The following CNTNAP2 variants were observed in gnomAD, a reference collection of about 807,000 sequenced individuals.
CNTNAP2 encodes contactin associated protein 2.
In CNTNAP2, 98 loss-of-function variants were observed where a neutral mutation model predicts 155.2. That is an observed-to-expected ratio of 0.63 (90% CI 0.54 to 0.75). CNTNAP2 has a LOEUF of 0.75. Among genes scored for constraint, CNTNAP2 ranks in the 30% least tolerant of loss-of-function variants. The pLI is 0.00. For missense variants in CNTNAP2, 1,727 were observed against 1,688.1 expected (o/e 1.02, Z -0.40); for synonymous variants, 651 against 631.2 (o/e 1.03, Z -0.47).
chr7:148,295,920 T>C lies in CNTNAP2; in HGVS notation c.3475+28794T>C, dbSNP rs139911836. 8.5e-3 allele frequency among the ~76,000 whole-genome samples: 1,289 copies of C among 152,288 alleles called. 11 individuals carry two copies. Among genetic ancestry groups the C allele is most frequent in the Middle Eastern group, 0.02 (6 of 294 alleles). The stretch of plus-strand genomic sequence containing the variant: ...CTGTAAAAAGCAAGGGTCTTCCCTC[T>C]GCAAGAAGAGGCACTAAATGTTTAG... On this transcript the variant is annotated intron_variant, in intron 21 of 23. Coordinates refer to ENST00000361727, the MANE Select transcript of CNTNAP2 (RefSeq NM_014141.6).
chr7:146,511,006 C>T (rs568989720), intron 1 of CNTNAP2, among the ~76,000 whole-genome samples: 6 of 152,270 alleles, frequency 3.9e-5, no homozygotes, highest in Non-Finnish European at 8.8e-5. Flanking sequence ...ACACCATTCT[C>T]CTGCCTCAGC....
chr7:146,726,601 TCA>T (rs1801435659), intron 1 of CNTNAP2, among the ~76,000 whole-genome samples: 1 of 152,208 alleles, frequency 6.6e-6, no homozygotes, highest in Non-Finnish European at 1.5e-5. Context: ...CTAAATTTTC[TCA>T]TTTTCCAGAG....
chr7:147,516,202 A>G (rs1799123105), intron 11 of CNTNAP2, among the ~76,000 whole-genome samples: 1 of 152,218 alleles, frequency 6.6e-6, no homozygotes, highest in African/African-American at 2.4e-5. Context: ...AGGAAGTGTT[A>G]AAAGTTGTCT....
chr7:147,032,853 A>G (rs1321819824), intron 3 of CNTNAP2, among the ~76,000 whole-genome samples: 1 of 152,036 alleles, frequency 6.6e-6, no homozygotes, highest in Non-Finnish European at 1.5e-5. Flanking sequence ...AAAGCCATTA[A>G]AAAGACAGTC....
At chr7:148,211,602 C>G (rs4513897) in intron 18 of CNTNAP2, among the ~76,000 whole-genome samples, 1 of 152,036 alleles carries the variant, frequency 6.6e-6, no homozygotes, top group East Asian at 1.9e-4. Context: ...AGAATTTTTC[C>G]CTCCCCCTCA....
chr7:146,829,333 T>A (rs1585111357), intron 2 of CNTNAP2, among the ~76,000 whole-genome samples: 1 of 148,274 alleles, frequency 6.7e-6, no homozygotes, highest in African/African-American at 2.5e-5. Context: ...ATCAGCACTG[T>A]AAAAAAAAAA....
At chr7:146,363,576 C>T (rs140817523) in intron 1 of CNTNAP2, among the ~76,000 whole-genome samples, 1 of 151,952 alleles carries the variant, frequency 6.6e-6, no homozygotes, top group Non-Finnish European at 1.5e-5. Flanking sequence ...GAAGAGGTGG[C>T]GAGGAAGAGG....
At chr7:147,922,288 G>A (rs1669589501) in intron 14 of CNTNAP2, among the ~76,000 whole-genome samples, 1 of 152,154 alleles carries the variant, frequency 6.6e-6, no homozygotes, top group Admixed American at 6.5e-5. Flanking sequence ...GTATGAATTG[G>A]TTTTGTGTTG....
intron 15 of CNTNAP2, among the ~76,000 whole-genome samples, chr7:148,071,302 C>A (rs1803377493): frequency 6.6e-6 from 1 of 152,074 alleles, no homozygotes; most frequent in Non-Finnish European, 1.5e-5. Context: ...CATGGTGAGA[C>A]CCCGTCTCTA....
At chr7:146,529,047 A>C (rs1259048996) in intron 1 of CNTNAP2, among the ~76,000 whole-genome samples, 8 of 151,568 alleles carry the variant, frequency 5.3e-5, no homozygotes, top group Admixed American at 5.2e-4. Context: ...TTTGGTGTAC[A>C]CTGTAAAGAA....
intron 1 of CNTNAP2, among the ~76,000 whole-genome samples, chr7:146,650,564 A>G (rs766584000): frequency 1.3e-5 from 2 of 152,090 alleles, no homozygotes; most frequent in Non-Finnish European, 2.9e-5. Flanking sequence ...GCTAGGAGGA[A>G]TAGCATTAGG....
At chr7:148,325,537 C>G (rs1331731262) in intron 21 of CNTNAP2, among the ~76,000 whole-genome samples, 1 of 152,182 alleles carries the variant, frequency 6.6e-6, no homozygotes, top group Non-Finnish European at 1.5e-5. Flanking sequence ...AATAGAAAAC[C>G]ATTTCAGCAT....
intron 11 of CNTNAP2, among the ~76,000 whole-genome samples, chr7:147,549,677 G>A (rs1368769158): frequency 6.6e-6 from 1 of 152,126 alleles, no homozygotes; most frequent in Non-Finnish European, 1.5e-5. Flanking sequence ...ATCCTGCTGA[G>A]GTCTATAAAA....
chr7:147,742,099 A>G (rs968049587), intron 13 of CNTNAP2, among the ~76,000 whole-genome samples: 1 of 152,150 alleles, frequency 6.6e-6, no homozygotes, highest in Non-Finnish European at 1.5e-5. Flanking sequence ...CTTATTCACT[A>G]TCACAAAAAT....
At chr7:147,099,748 C>T (rs1800617455) in intron 4 of CNTNAP2, among the ~76,000 whole-genome samples, 1 of 152,064 alleles carries the variant, frequency 6.6e-6, no homozygotes, top group Admixed American at 6.6e-5. Flanking sequence ...TGAGGAGTTT[C>T]TTGATGTCTG....
intron 11 of CNTNAP2, among the ~76,000 whole-genome samples, chr7:147,502,434 A>G (rs1393756760): frequency 6.6e-6 from 1 of 152,196 alleles, no homozygotes; most frequent in African/African-American, 2.4e-5. Flanking sequence ...GAACCTAAAA[A>G]AAAATGAAAT....
At chr7:146,696,800 C>A (rs1331089551) in intron 1 of CNTNAP2, among the ~76,000 whole-genome samples, 1 of 152,002 alleles carries the variant, frequency 6.6e-6, no homozygotes, top group Non-Finnish European at 1.5e-5. Flanking sequence ...TTATTGTATT[C>A]TGCAAATATT....
At chr7:146,191,080 C>T (rs758160191) in intron 1 of CNTNAP2, among the ~76,000 whole-genome samples, 1 of 151,658 alleles carries the variant, frequency 6.6e-6, no homozygotes, top group Non-Finnish European at 1.5e-5. Flanking sequence ...GGGGGAACCA[C>T]CCCCAATAAT....
intron 8 of CNTNAP2, among the ~76,000 whole-genome samples, chr7:147,137,543 C>T (rs1335679040): frequency 6.6e-6 from 1 of 151,664 alleles, no homozygotes; most frequent in Non-Finnish European, 1.5e-5. Context: ...AAGTATGATG[C>T]TTAACAATGT....
Sources: gnomAD v4.1 joint callset for allele counts (sites outside exome capture counted in the v4.1 genomes callset) on GRCh38, gnomAD v4.1.1 for gene constraint, MANE v1.5 for transcripts, NCBI Gene and HGNC (gene_info 2026-07-23, HGNC 2026-07-21) for gene names.